RPA2: variants seen among roughly 807,000 people sequenced by gnomAD.
The protein encoded by RPA2 is replication protein A2.
Under a neutral mutation model 33.4 loss-of-function variants are expected in RPA2, and 22 were observed. The ratio of observed to expected loss-of-function variants is 0.66; its 90% CI spans 0.47 to 0.94. RPA2 has a LOEUF of 0.94. RPA2 is among the 40% of genes least tolerant of loss of function. The pLI is 0.00. For synonymous variants in RPA2, 109 were observed against 114.9 expected, an observed-to-expected ratio of 0.95 and a Z score of 0.33; for missense variants, 279 against 329.9, an observed-to-expected ratio of 0.85 and a Z score of 1.19.
chr1:27,899,290 C>T (rs925963136), intron 4 of RPA2, among the ~76,000 whole-genome samples: 5 of 151,254 alleles, frequency 3.3e-5, no homozygotes, highest in Non-Finnish European at 7.4e-5. Context: ...GGGCGGATCA[C>T]GAGGTCAGGA....
Position 27,914,148 on chromosome 1 carries a change from C to G in RPA2, c.32G>C (p.Ser11Thr). Residue 11 changes from serine (S) to threonine (T), a missense_variant, in exon 2 of 9, where the codon AGC (serine) becomes ACC (threonine). Ser to Thr is a moderately conservative substitution (Grantham distance 58). Coordinates refer to ENST00000373912, the MANE Select transcript of RPA2 (RefSeq NM_002946.5). MWNSGFESYG[S>T]SSYGGAGGYT... ...GCCGCCGGCTCCCCCGTATGAGGAG[C>G]TGCCATAGCTTTCGAATCCACCTGT... 1.9e-6 allele frequency: 3 copies of G among 1,613,632 alleles called. No individual in the cohort carries two copies. Among genetic ancestry groups the G allele is most frequent in the South Asian group, 1.1e-5 (1 of 91,044 alleles).
intron 4 of RPA2, among the ~76,000 whole-genome samples, chr1:27,898,783 T>C (rs904685466): frequency 1.3e-5 from 2 of 152,116 alleles, no homozygotes; most frequent in African/African-American, 4.8e-5. Flanking sequence ...GGTCTCGATC[T>C]CCTGACCTCA....
chr1:27,911,008 G>C (rs537581449), intron 2 of RPA2, among the ~76,000 whole-genome samples: 17 of 152,196 alleles, frequency 1.1e-4, no homozygotes, highest in Admixed American at 5.9e-4. Context: ...CTGACGTCAG[G>C]AGTTTGAGAC....
At chr1:27,913,945 G>T in intron 2 of RPA2, 118 bp downstream of exon 2, 1 of 961,770 alleles carries the variant, frequency 1.0e-6, no homozygotes, top group Non-Finnish European at 1.5e-6. Context: ...GATAATAATA[G>T]ATCATTATCG....
Position 27,902,307 on chromosome 1 carries a change from G to A in RPA2, c.334-4600C>T, listed in dbSNP as rs182284780. Among the ~76,000 whole-genome samples the A allele has an allele frequency of 3.8e-3, 528 of 139,886 alleles. 4 individuals carry two copies. The highest frequency in any genetic ancestry group is 0.014 in the African/African-American group (508 of 37,000). The allele number at this position is 139,886 out of a possible 152,430, so 91.8% of individuals were successfully genotyped here. ...TATACTTTTTTTTTTTTTTGAGACA[G>A]TCTTGCTCTGTTGCCCAGGCTGGAG... On this transcript the variant is annotated intron_variant, in intron 4 of 8. Coordinates refer to ENST00000373912, the MANE Select transcript of RPA2 (RefSeq NM_002946.5).
At chr1:27,894,578 G>GT (rs1356851620) in intron 6 of RPA2, among the ~76,000 whole-genome samples, 181 bp from the exon 7 acceptor site, 2 of 152,188 alleles carry the variant, frequency 1.3e-5, no homozygotes, top group African/African-American at 4.8e-5. Flanking sequence ...GGAAGATAAA[G>GT]TAACTCCCCG....
intron 2 of RPA2, among the ~76,000 whole-genome samples, chr1:27,912,605 G>A (rs2090113204): frequency 1.3e-5 from 2 of 152,056 alleles, no homozygotes; most frequent in South Asian, 4.1e-4. Flanking sequence ...TCTATAGATT[G>A]TTTTCCTACA....
intron 4 of RPA2, among the ~76,000 whole-genome samples, chr1:27,903,164 G>A (rs1168196185): frequency 2.6e-5 from 4 of 152,056 alleles, no homozygotes; most frequent in African/African-American, 7.2e-5. Context: ...CCTGACATCA[G>A]GTGATCCACC....
At position 27,897,967 on chromosome 1, in the gene RPA2, C is replaced by T. The variant is rs549368033; in HGVS notation, c.334-260G>A. ...AAAAAGCAAACAATTGTGACACTCT[C>T]GTTCAAGCTCTTAGGCACACAATTT... On this transcript the variant is annotated intron_variant, in intron 4 of 8. Coordinates refer to ENST00000373912, the MANE Select transcript of RPA2 (RefSeq NM_002946.5). 7.2e-5 allele frequency among the ~76,000 whole-genome samples: 11 copies of T among 152,308 alleles called. No homozygotes were observed. In the East Asian group the frequency reaches 1.9e-3, roughly 27 times the overall value.
At chr1:27,902,233 C>T (rs547939933) in intron 4 of RPA2, among the ~76,000 whole-genome samples, 4 of 150,392 alleles carry the variant, frequency 2.7e-5, no homozygotes, top group South Asian at 2.1e-4. Flanking sequence ...ACTACAGGCA[C>T]GTGCTACCAT....
chr1:27,906,908 A>G lies in RPA2; in HGVS notation c.333+20T>C, dbSNP rs756100357. 2.5e-5 allele frequency: 39 copies of G among 1,555,022 alleles called. No homozygotes were observed. Among genetic ancestry groups the G allele is most frequent in the Non-Finnish European group, 2.6e-6 (3 of 1,133,744 alleles). On this transcript the variant is annotated intron_variant, in intron 4 of 8. Coordinates refer to ENST00000373912, the MANE Select transcript of RPA2 (RefSeq NM_002946.5). ...ACAGTTCCAAAGTAACCCCATCATG[A>G]TTCAAAAACAGCCACTTACATCTGT...
chr1:27,894,996 T>C (rs1309246774), intron 6 of RPA2, among the ~76,000 whole-genome samples: 2 of 152,190 alleles, frequency 1.3e-5, no homozygotes, highest in Non-Finnish European at 2.9e-5. Flanking sequence ...TCCTAATACT[T>C]GACCTCTCGG....
chr1:27,899,701 G>C (rs1024053331), intron 4 of RPA2, among the ~76,000 whole-genome samples: 1 of 150,696 alleles, frequency 6.6e-6, no homozygotes, highest in African/African-American at 2.4e-5. Flanking sequence ...TTTTTTTTGA[G>C]ACAGAGTCTC....
chr1:27,892,386 C>A (rs1445738165), intron 8 of RPA2, 139 bp from the exon 9 acceptor site: 3 of 655,168 alleles, frequency 4.6e-6, no homozygotes, highest in Non-Finnish European at 5.3e-6. Flanking sequence ...GTATTCTGCA[C>A]ATAGAAAGCT....
intron 4 of RPA2, among the ~76,000 whole-genome samples, chr1:27,904,272 G>A (rs1178578284): frequency 6.6e-6 from 1 of 152,140 alleles, no homozygotes; most frequent in Non-Finnish European, 1.5e-5. Flanking sequence ...AGAGGTATGT[G>A]GACACCTGTA....
At chr1:27,907,642 G>A (rs1277017633) in intron 2 of RPA2, among the ~76,000 whole-genome samples, 2 of 152,126 alleles carry the variant, frequency 1.3e-5, no homozygotes, top group Non-Finnish European at 2.9e-5. Context: ...ACAGGCTGGT[G>A]CTGCTGTTCA....
chr1:27,909,077 A>C (rs2090066161), intron 2 of RPA2, among the ~76,000 whole-genome samples: 1 of 152,184 alleles, frequency 6.6e-6, no homozygotes, highest in South Asian at 2.1e-4. Context: ...AAAAAGTAGC[A>C]GGTAACAGGC....
chr1:27,898,899 T>C lies in RPA2; in HGVS notation c.334-1192A>G, dbSNP rs2089926586. Among the ~76,000 whole-genome samples, 3 of 152,152 alleles carry C rather than the reference T, an allele frequency of 2.0e-5. No individual in the cohort carries two copies. The South Asian group carries it at 6.2e-4, about 32-fold the overall frequency. On this transcript the variant is annotated intron_variant, in intron 4 of 8. Coordinates refer to ENST00000373912, the MANE Select transcript of RPA2 (RefSeq NM_002946.5). ...AGTTCTTTTCTGACTACATAAAATG[T>C]ATTACTTTAAAAAAAATTGAAAATA...
At chr1:27,908,480 C>T (rs144656830) in intron 2 of RPA2, among the ~76,000 whole-genome samples, 2 of 151,720 alleles carry the variant, frequency 1.3e-5, no homozygotes, top group African/African-American at 2.4e-5. Context: ...AGAACAGTAT[C>T]TAGTGAGCAC....
Sources: allele counts gnomAD v4.1 joint callset (sites outside exome capture counted in the v4.1 genomes callset), GRCh38; gene constraint gnomAD v4.1.1; transcripts MANE v1.5; gene names NCBI Gene and HGNC (gene_info 2026-07-23, HGNC 2026-07-21).